GYS2: variants seen among roughly 807,000 people sequenced by gnomAD.
GYS2 encodes glycogen [starch] synthase, liver.
GYS2 carries 80 observed loss-of-function variants against 85.6 expected under a neutral mutation model. The ratio of observed to expected loss-of-function variants is 0.93; its 90% CI spans 0.78 to 1.13. The LOEUF (loss-of-function observed/expected upper bound fraction) is 1.13. Ranked by LOEUF, GYS2 falls within the 50% of genes most tolerant of loss-of-function variation. GYS2 has a pLI of 0.00. For missense variants in GYS2, 881 were observed against 854.9 expected, an observed-to-expected ratio of 1.03 and a Z score of -0.38; for synonymous variants, 328 against 300.7, an observed-to-expected ratio of 1.09 and a Z score of -0.94.
chr12:21,546,062 A>C (rs186615050), intron 12 of GYS2, among the ~76,000 whole-genome samples: 3 of 152,304 alleles, frequency 2.0e-5, no homozygotes, highest in African/African-American at 4.8e-5. Flanking sequence ...CAACCTTTAT[A>C]TCACATTCCT....
Position 21,542,526 on chromosome 12 carries a change from G to A in GYS2, c.1615C>T (p.Gln539Ter). The change falls in exon 13 of 16, where the codon CAG becomes TAG. Residue 539 changes from glutamine to a stop codon, truncating the protein, a stop_gained. Transcript: ENST00000261195. LOFTEE classifies it high-confidence loss of function. ...TNLSGFGCFM[Q>*]EHVADPTAYG... Reference sequence around the variant, plus strand: ...GCAGTAGGATCAGCCACGTGCTCCTGCATGAAACAGCCAAACCCGGAGAGA... The same window carrying A: ...GCAGTAGGATCAGCCACGTGCTCCTACATGAAACAGCCAAACCCGGAGAGA... 2 of 1,612,496 alleles carry A rather than the reference G, an allele frequency of 1.2e-6. No homozygotes were observed. The highest frequency in any genetic ancestry group is 1.7e-6 in the Non-Finnish European group (2 of 1,178,510).
intron 5 of GYS2, among the ~76,000 whole-genome samples, chr12:21,565,578 G>A (rs1449950132): frequency 6.7e-6 from 1 of 149,398 alleles, no homozygotes; most frequent in Non-Finnish European, 1.5e-5. Context: ...ACCAGGAAAT[G>A]ATGTTAAATT....
chr12:21,541,553 C>T (rs1943976489), intron 13 of GYS2, among the ~76,000 whole-genome samples: 1 of 151,922 alleles, frequency 6.6e-6, no homozygotes, highest in Non-Finnish European at 1.5e-5. Flanking sequence ...TTCTAGGCAG[C>T]AGAAGGGATC....
chr12:21,576,057 C>G lies in GYS2; in HGVS notation c.304G>C (p.Val102Leu). The change falls in exon 3 of 16, where the codon GTG becomes CTG. Residue 102 changes from valine to leucine, a missense_variant and splice_region_variant. By Grantham distance (32) the Val-to-Leu change is conservative. Coordinates refer to ENST00000261195, the MANE Select transcript of GYS2 (RefSeq NM_021957.4). Reference protein sequence around the residue: ...VDAMNKHGCQVHFGRWLIEGS... With the variant: ...VDAMNKHGCQLHFGRWLIEGS... ...TCTATCAGCCATCTTCCAAAATGCA[C>G]CTGTCATATAAAGAACACAGCCATG... 1 of 1,610,764 alleles carries G rather than the reference C, an allele frequency of 6.2e-7. No individual in the cohort carries two copies. Among genetic ancestry groups the G allele is most frequent in the Non-Finnish European group, 8.5e-7 (1 of 1,178,628 alleles).
chr12:21,540,334 T>C, intron 14 of GYS2, 76 bp downstream of exon 14: 1 of 1,173,334 alleles, frequency 8.5e-7, no homozygotes, highest in Non-Finnish European at 1.3e-6. Flanking sequence ...CTTTAGAGAT[T>C]ATGACTAGAA....
rs1944417639 is a variant in GYS2 at position 21,574,157 on chromosome 12, T to C, written c.665A>G (p.Asn222Ser). Residue 222 changes from asparagine to serine, a missense_variant, in exon 4 of 16, where the codon AAC becomes AGC. Transcript: ENST00000261195. ...AGGAATATTTACCTTATCAAGATGG[T>C]TGTAGAAATCAATATTTGCTGCACA... ...YLCAANIDFY[N>S]HLDKFNIDKE... The C allele has an allele frequency of 6.2e-7, 1 of 1,611,456 alleles. No homozygotes were observed. The highest frequency in any genetic ancestry group is 1.7e-4 in the Middle Eastern group (1 of 6,058).
chr12:21,541,874 A>C (rs1356445813), intron 13 of GYS2, among the ~76,000 whole-genome samples: 1 of 152,062 alleles, frequency 6.6e-6, no homozygotes, highest in Non-Finnish European at 1.5e-5. Context: ...CCACTCAAGC[A>C]GTCCCCAGAT....
chr12:21,533,606 G>A (rs1943884630), downstream of GYS2, among the ~76,000 whole-genome samples: 1 of 152,008 alleles, frequency 6.6e-6, no homozygotes, highest in Non-Finnish European at 1.5e-5. Flanking sequence ...AAGACTCTTC[G>A]GACCTCCCTA....
At chr12:21,533,154 T>C (rs553412989), downstream of GYS2, among the ~76,000 whole-genome samples, 7 of 152,332 alleles carry the variant, frequency 4.6e-5, no homozygotes, top group East Asian at 1.4e-3. Context: ...AGCCACTTTC[T>C]GCACAGTTCT....
intron 1 of GYS2, among the ~76,000 whole-genome samples, chr12:21,593,095 A>C (rs1944657330): frequency 6.6e-6 from 1 of 152,048 alleles, no homozygotes; most frequent in South Asian, 2.1e-4. Context: ...GAAAATTGAA[A>C]TACAACATAG....
At chr12:21,540,286 G>T in intron 14 of GYS2, 124 bp downstream of exon 14, 1 of 884,608 alleles carries the variant, frequency 1.1e-6, no homozygotes, top group Non-Finnish European at 1.8e-6. Flanking sequence ...AAAGTACATG[G>T]AGACACTGAG....
At position 21,604,800 on chromosome 12, in the gene GYS2, T is replaced by C; in HGVS notation, c.-208A>G. Reference sequence around the variant, plus strand: ...GAGGAATTCTTCCTCCTCTTTCTCGTCTTTCTGGGCAGGTATTGTGAGGAC... The same window carrying C: ...GAGGAATTCTTCCTCCTCTTTCTCGCCTTTCTGGGCAGGTATTGTGAGGAC... On this transcript the variant is annotated 5_prime_UTR_variant, in exon 1 of 16. Transcript: ENST00000261195. 4.5e-6 allele frequency: 6 copies of C among 1,347,938 alleles called. No individual in the cohort carries two copies. The highest frequency in any genetic ancestry group is 1.5e-5 in the African/African-American group (1 of 67,554). The allele number at this position is 1,347,938 out of a possible 1,614,324, so 83.5% of individuals were successfully genotyped here.
chr12:21,576,444 C>T (rs1156904677), intron 2 of GYS2, among the ~76,000 whole-genome samples: 1 of 152,156 alleles, frequency 6.6e-6, no homozygotes, highest in African/African-American at 2.4e-5. Context: ...GATATAATGG[C>T]TCCAGTGTCG....
At chr12:21,592,993 A>G (rs1347028630) in intron 1 of GYS2, among the ~76,000 whole-genome samples, 4 of 152,046 alleles carry the variant, frequency 2.6e-5, no homozygotes, top group African/African-American at 4.8e-5. Context: ...TAAAACCTAT[A>G]CAAATACATG....
At chr12:21,539,466 C>T (rs957055369) in intron 14 of GYS2, 128 bp from the exon 15 acceptor site, 5 of 718,286 alleles carry the variant, frequency 7.0e-6, no homozygotes, top group Admixed American at 4.2e-5. Context: ...AGAATCTATG[C>T]AGTCTAAGTT....
chr12:21,540,654 T>C, intron 13 of GYS2, 81 bp from the exon 14 acceptor site: 2 of 1,281,938 alleles, frequency 1.6e-6, no homozygotes, highest in Non-Finnish European at 2.3e-6. Flanking sequence ...ACTAACTCTT[T>C]GGTTCCATCA....
chr12:21,533,289 A>AAG, downstream of GYS2, among the ~76,000 whole-genome samples: 1 of 152,142 alleles, frequency 6.6e-6, no homozygotes, highest in East Asian at 1.9e-4. Context: ...TTGTGTTCCT[A>AAG]AGAGAGGAGA....
intron 11 of GYS2, among the ~76,000 whole-genome samples, chr12:21,554,960 C>T (rs1944160705): frequency 1.3e-5 from 2 of 152,190 alleles, no homozygotes; most frequent in Non-Finnish European, 2.9e-5. Context: ...GAAGCATGAA[C>T]TATTGCCAGC....
intron 11 of GYS2, among the ~76,000 whole-genome samples, 187 bp from the exon 12 acceptor site, chr12:21,546,657 T>C (rs544231852): frequency 6.6e-6 from 1 of 152,332 alleles, no homozygotes; most frequent in Non-Finnish European, 1.5e-5. Flanking sequence ...CTCTCCATTC[T>C]GTAGAAGTGT....
Sources: allele counts gnomAD v4.1 joint callset (sites outside exome capture counted in the v4.1 genomes callset), GRCh38; gene constraint gnomAD v4.1.1; transcripts MANE v1.5; gene names NCBI Gene and HGNC (gene_info 2026-07-23, HGNC 2026-07-21).